The following ASTN1 variants were observed in gnomAD, a reference collection of about 807,000 sequenced individuals.
ASTN1 encodes the protein astrotactin 1, also known as astrotactin-1.
In ASTN1, 41 loss-of-function variants were observed where a neutral mutation model predicts 140.7. The ratio of observed to expected loss-of-function variants is 0.29; its 90% CI spans 0.23 to 0.38. The LOEUF (loss-of-function observed/expected upper bound fraction) is 0.38. ASTN1 is among the 10% of genes least tolerant of loss of function. The pLI is 1.00. For missense variants in ASTN1, 1,479 were observed against 1,678.8 expected, an observed-to-expected ratio of 0.88 and a Z score of 2.08; for synonymous variants, 640 against 652.2, an observed-to-expected ratio of 0.98 and a Z score of 0.29.
chr1:176,960,949 G>T (rs910187530), intron 9 of ASTN1, among the ~76,000 whole-genome samples: 1 of 152,106 alleles, frequency 6.6e-6, no homozygotes, highest in Non-Finnish European at 1.5e-5. Context: ...CTGACTCAGA[G>T]CCCCTTGTTG....
chr1:176,924,424 G>T (rs1307037409), intron 16 of ASTN1, among the ~76,000 whole-genome samples: 1 of 152,152 alleles, frequency 6.6e-6, no homozygotes, highest in Non-Finnish European at 1.5e-5. Context: ...TGGCCATCTG[G>T]ATTTACTTCA....
chr1:176,899,734 A>C (rs1007670333), intron 16 of ASTN1, among the ~76,000 whole-genome samples: 2 of 152,134 alleles, frequency 1.3e-5, no homozygotes, highest in African/African-American at 4.8e-5. Flanking sequence ...AGTCATCAAA[A>C]TTCACACAGA....
intron 1 of ASTN1, among the ~76,000 whole-genome samples, chr1:177,096,505 T>C (rs549616892): frequency 2.6e-5 from 4 of 152,264 alleles, no homozygotes; most frequent in Admixed American, 2.0e-4. Context: ...ATGTTTGATA[T>C]AGTTTGGCTG....
chr1:177,087,922 T>C (rs1168090059), intron 1 of ASTN1, among the ~76,000 whole-genome samples: 1 of 152,244 alleles, frequency 6.6e-6, no homozygotes, highest in Non-Finnish European at 1.5e-5. Flanking sequence ...CACCGGAGGC[T>C]GCTTCATTCA....
At position 176,949,280 on chromosome 1, in the gene ASTN1, G is replaced by A. The variant is rs751038341; in HGVS notation, c.1959C>T (p.Ser653=). Residue 653 remains serine (S), a synonymous_variant, in exon 12 of 23, where the codon TCC becomes TCT. Coordinates refer to ENST00000361833, the MANE Select transcript of ASTN1 (RefSeq NM_004319.3). ...CYDRHIGVDC[S]DGFNGGCEQL... ...GCTCACAGCCGCCGTTGAAGCCGTCGGAACAGTCCACCCCGATGTGGCGGT... is the reference window on the plus strand; with the variant it reads ...GCTCACAGCCGCCGTTGAAGCCGTCAGAACAGTCCACCCCGATGTGGCGGT... 17 of 1,613,952 alleles carry A rather than the reference G, an allele frequency of 1.1e-5. No individual in the cohort carries two copies. Among genetic ancestry groups the A allele is most frequent in the South Asian group, 8.8e-5 (8 of 91,090 alleles).
At chr1:177,077,173 C>T (rs909088643) in intron 1 of ASTN1, among the ~76,000 whole-genome samples, 3 of 151,938 alleles carry the variant, frequency 2.0e-5, no homozygotes, top group East Asian at 1.9e-4. Context: ...GAAACCACCT[C>T]GAGGAGGTGC....
intron 2 of ASTN1, among the ~76,000 whole-genome samples, chr1:177,040,741 C>A (rs1181803531): frequency 6.6e-6 from 1 of 152,164 alleles, no homozygotes; most frequent in Non-Finnish European, 1.5e-5. Flanking sequence ...AGTTTTAAGA[C>A]CATTAGGTTT....
intron 20 of ASTN1, among the ~76,000 whole-genome samples, chr1:176,881,431 T>C (rs1378174678): frequency 2.0e-5 from 3 of 152,218 alleles, no homozygotes; most frequent in East Asian, 1.9e-4. Flanking sequence ...ATTGGAACTT[T>C]GGAATTCCTA....
chr1:177,068,367 C>A lies in ASTN1; in HGVS notation c.284-7102G>T, dbSNP rs184468907. On this transcript the variant is annotated intron_variant, in intron 1 of 22. Coordinates refer to ENST00000361833, the MANE Select transcript of ASTN1 (RefSeq NM_004319.3). ...CACAGGAGGTTCATTTTTCAAGGAA[C>A]CAAAATCTTCTTGACTTGCTGGGAT... Among the ~76,000 whole-genome samples, 701 of 152,272 alleles carry A rather than the reference C, an allele frequency of 4.6e-3. 4 individuals are homozygous for A. The highest frequency in any genetic ancestry group is 0.016 in the African/African-American group (679 of 41,556).
intron 2 of ASTN1, among the ~76,000 whole-genome samples, chr1:177,040,176 T>A (rs112465440): frequency 0.023 from 3,577 of 152,330 alleles, 119 homozygotes; most frequent in African/African-American, 0.081. Context: ...TGAAAACACT[T>A]TAAGCATATT....
intron 16 of ASTN1, among the ~76,000 whole-genome samples, chr1:176,930,279 A>T (rs1321802766): frequency 6.6e-6 from 1 of 152,196 alleles, no homozygotes; most frequent in Admixed American, 6.5e-5. Flanking sequence ...ACAGTGTAGT[A>T]CTTACAGGGA....
intron 14 of ASTN1, among the ~76,000 whole-genome samples, chr1:176,938,148 G>T (rs1671527799): frequency 6.6e-6 from 1 of 152,120 alleles, no homozygotes; most frequent in African/African-American, 2.4e-5. Context: ...TAATCTTTGT[G>T]ACTACCAACA....
At chr1:176,949,043 C>T (rs1672074973) in intron 12 of ASTN1, 142 bp downstream of exon 12, 1 of 1,221,132 alleles carries the variant, frequency 8.2e-7, no homozygotes, top group Non-Finnish European at 1.1e-6. Flanking sequence ...ATGTTCCCCC[C>T]CAAGTCCTAG....
intron 1 of ASTN1, among the ~76,000 whole-genome samples, chr1:177,104,898 T>C (rs1680479667): frequency 6.6e-6 from 1 of 152,204 alleles, no homozygotes; most frequent in African/African-American, 2.4e-5. Flanking sequence ...CTCTGGGCCT[T>C]ACTGTTATCC....
At chr1:177,013,971 A>G (rs934673037) in intron 8 of ASTN1, among the ~76,000 whole-genome samples, 1 of 151,942 alleles carries the variant, frequency 6.6e-6, no homozygotes, top group Non-Finnish European at 1.5e-5. Flanking sequence ...GCTTGAGGCC[A>G]GGAGTTGGAT....
At chr1:176,997,807 A>G (rs752880703) in intron 8 of ASTN1, among the ~76,000 whole-genome samples, 9 of 152,148 alleles carry the variant, frequency 5.9e-5, no homozygotes, top group Non-Finnish European at 1.3e-4. Context: ...AAGGAGGAAG[A>G]GAGGGCTTCC....
chr1:177,105,868 G>T (rs906711835), intron 1 of ASTN1, among the ~76,000 whole-genome samples: 1 of 152,162 alleles, frequency 6.6e-6, no homozygotes, highest in African/African-American at 2.4e-5. Flanking sequence ...GGTGGCATGT[G>T]CCTGTAGCCT....
chr1:177,030,021 G>C (rs922530897), intron 4 of ASTN1, among the ~76,000 whole-genome samples: 13 of 152,224 alleles, frequency 8.5e-5, no homozygotes, highest in African/African-American at 2.9e-4. Flanking sequence ...TCCAGGGAAA[G>C]TGGGTGGAAT....
chr1:177,100,223 G>C (rs941641139), intron 1 of ASTN1, among the ~76,000 whole-genome samples: 1 of 152,066 alleles, frequency 6.6e-6, no homozygotes, highest in African/African-American at 2.4e-5. Context: ...AAACAGAAAT[G>C]TGGTGAGTTA....
Sources: gnomAD v4.1 joint callset for allele counts (sites outside exome capture counted in the v4.1 genomes callset) on GRCh38, gnomAD v4.1.1 for gene constraint, MANE v1.5 for transcripts, NCBI Gene and HGNC (gene_info 2026-07-23, HGNC 2026-07-21) for gene names.